OTOF: variants seen among roughly 807,000 people sequenced by gnomAD.
OTOF encodes fer-1-like family member 2.
Under a neutral mutation model 236.8 loss-of-function variants are expected in OTOF, and 218 were observed. The observed-to-expected ratio is 0.92, with a 90% CI of 0.82 to 1.03. The LOEUF is 1.03. OTOF is among the 50% of genes least tolerant of loss of function. The probability of loss-of-function intolerance (pLI) is 0.00; values close to 1 mark genes in which losing one functional copy is unlikely to be tolerated. For missense variants in OTOF, 2,590 were observed against 2,694.4 expected (o/e 0.96, Z 0.86); for synonymous variants, 1,041 against 1,072.5 (o/e 0.97, Z 0.57).
intron 1 of OTOF, among the ~76,000 whole-genome samples, chr2:26,551,143 C>T (rs1336893160): frequency 6.6e-6 from 1 of 152,198 alleles, no homozygotes; most frequent in Non-Finnish European, 1.5e-5. Flanking sequence ...GCGTGCACCA[C>T]CACGCCCGGC....
rs527765158 is a variant in OTOF at position 26,520,250 on chromosome 2, T to G, written c.228-1141A>C. Among the ~76,000 whole-genome samples, 10 of 152,244 alleles carry G rather than the reference T, an allele frequency of 6.6e-5. No individual in the cohort carries two copies. In the East Asian group the frequency reaches 1.9e-3, roughly 29 times the overall value. Reference sequence around the variant, plus strand: ...GAGCTGGAAGGGACCTTGGGCATCATCTGATGCTGCCTGAGATTTATAGAG... The same window carrying G: ...GAGCTGGAAGGGACCTTGGGCATCAGCTGATGCTGCCTGAGATTTATAGAG... On this transcript the variant is annotated intron_variant, in intron 3 of 46. Coordinates refer to ENST00000272371, the MANE Select transcript of OTOF (RefSeq NM_194248.3).
intron 46 of OTOF, among the ~76,000 whole-genome samples, chr2:26,459,531 G>A (rs989081937): frequency 1.1e-4 from 15 of 139,160 alleles, no homozygotes; most frequent in South Asian, 2.2e-4. Flanking sequence ...TAGCCTGGGC[G>A]ACAGAGCGAG....
At position 26,516,533 on chromosome 2, in the gene OTOF, C is replaced by A. The variant is rs1446905823; in HGVS notation, c.394G>T (p.Asp132Tyr). 23 of 1,612,814 alleles carry A rather than the reference C, an allele frequency of 1.4e-5. No homozygotes were observed. In the African/African-American group the frequency reaches 2.0e-4, roughly 14 times the overall value. ...DGTVGSWDDGDFLGDESLQEE... is the reference protein window; with the variant it reads ...DGTVGSWDDGYFLGDESLQEE... The stretch of plus-strand genomic sequence containing the variant: ...TGAAGAGACTCATCTCCCAGGAAGT[C>A]CCCATCGTCCCAGGAGCCCACTGTG... The change falls in exon 5 of 47, where the codon GAC (aspartate) becomes TAC (tyrosine). Residue 132 changes from aspartate to tyrosine, a missense_variant. Physicochemically the swap from Asp to Tyr is radical, Grantham distance 160. Coordinates refer to ENST00000272371, the MANE Select transcript of OTOF (RefSeq NM_194248.3).
At chr2:26,501,623 A>C in intron 8 of OTOF, 131 bp downstream of exon 8, 1 of 689,620 alleles carries the variant, frequency 1.5e-6, no homozygotes, top group East Asian at 2.7e-5. Context: ...TACTTTGGGA[A>C]CTTATATTCA....
intron 18 of OTOF, among the ~76,000 whole-genome samples, chr2:26,478,901 G>A (rs111637757): frequency 0.03 from 4,517 of 152,280 alleles, 116 homozygotes; most frequent in African/African-American, 0.067. Context: ...ATTTCACTAT[G>A]TTGGCCAGGA....
chr2:26,484,536 G>A lies in OTOF; in HGVS notation c.1143C>T (p.Gly381=). 1.2e-6 allele frequency: 2 copies of A among 1,613,978 alleles called. No individual in the cohort carries two copies. Among genetic ancestry groups the A allele is most frequent in the South Asian group, 1.1e-5 (1 of 91,080 alleles). The change falls in exon 12 of 47, where the codon GGC becomes GGT. Residue 381 remains glycine (G), a synonymous_variant. Transcript: ENST00000272371. ...GGGGCGTCTTGATGTTGTCCCCTTT[G>A]CCCACCACGGCAACGTCACACTTCA... ...GYVKCDVAVV[G]KGDNIKTPHK...
intron 8 of OTOF, among the ~76,000 whole-genome samples, chr2:26,495,978 T>C (rs1397139371): frequency 6.6e-6 from 1 of 152,252 alleles, no homozygotes; most frequent in African/African-American, 2.4e-5. Context: ...CATTGTTTGC[T>C]GAATTTCTTT....
rs1393652625 is a variant in OTOF at position 26,471,143 on chromosome 2, T to A, written c.3872A>T (p.Glu1291Val). The A allele has an allele frequency of 8.7e-6, 14 of 1,613,980 alleles. No homozygotes were observed. Among genetic ancestry groups the A allele is most frequent in the Middle Eastern group, 3.3e-4 (2 of 6,062 alleles). Residue 1291 changes from glutamate to valine, a missense_variant, in exon 31 of 47, where the codon GAA (glutamate) becomes GTA (valine). Around this residue, in one of 2 missense-constraint regions of OTOF, gnomAD observed 1,211 missense variants for 1,352.8 expected, o/e 0.90. Transcript: ENST00000272371. ...CACCACATCCACCTTGACAACAGCTTCAGAAGTCTGCAGAGGAACCAAGGA... is the reference window on the plus strand; with the variant it reads ...CACCACATCCACCTTGACAACAGCTACAGAAGTCTGCAGAGGAACCAAGGA... ...ETMVKLDATSEAVVKVDVAEE... is the reference protein window; with the variant it reads ...ETMVKLDATSVAVVKVDVAEE...
In OTOF at chr2:26,482,038, C is replaced by CAT. The variant is rs539791703; in HGVS notation, c.1579+366_1579+367dup. ...GCAGATAGGCACTACTATTAGGTATCATATATATATACACACACACTGTAA... is the reference window on the plus strand; with the variant it reads ...GCAGATAGGCACTACTATTAGGTATCATATATATATATACACACACACTGTAA... On this transcript the variant is annotated intron_variant, in intron 14 of 46. Transcript: ENST00000272371. Among the ~76,000 whole-genome samples the CAT allele has an allele frequency of 1.9e-3, 287 of 152,150 alleles. 5 individuals carry two copies. Among genetic ancestry groups the CAT allele is most frequent in the African/African-American group, 5.6e-3 (233 of 41,486 alleles).
At chr2:26,547,121 A>G (rs933648897) in intron 1 of OTOF, among the ~76,000 whole-genome samples, 32 of 152,166 alleles carry the variant, frequency 2.1e-4, no homozygotes, top group African/African-American at 7.5e-4. Flanking sequence ...TGTTAGCTGG[A>G]TGATTTTTAT....
intron 25 of OTOF, 44 bp downstream of exon 25, chr2:26,475,315 G>A: frequency 1.2e-6 from 2 of 1,609,750 alleles, no homozygotes; most frequent in Non-Finnish European, 1.7e-6. Context: ...ACAAGGGCCA[G>A]GTGTGGTGCT....
At chr2:26,472,191 C>A (rs559884321) in intron 30 of OTOF, 24 of 405,094 alleles carry the variant, frequency 5.9e-5, no homozygotes, top group African/African-American at 4.9e-4. Context: ...CACATGCATA[C>A]ATGCACGATG....
intron 13 of OTOF, 78 bp downstream of exon 13, chr2:26,483,384 C>T: frequency 2.2e-6 from 3 of 1,357,572 alleles, no homozygotes; most frequent in Non-Finnish European, 3.2e-6. Context: ...CCCAGCTGCC[C>T]CAGGCCCCAC....
chr2:26,551,864 T>G (rs1243050805), intron 1 of OTOF, among the ~76,000 whole-genome samples: 1 of 152,182 alleles, frequency 6.6e-6, no homozygotes, highest in East Asian at 1.9e-4. Flanking sequence ...GGTATTTATT[T>G]GAGCTCTTAT....
chr2:26,501,691 C>T lies in OTOF; in HGVS notation c.765+63G>A, dbSNP rs1247147564. 3.5e-6 allele frequency: 4 copies of T among 1,131,256 alleles called. No homozygotes were observed. The Admixed American group carries it at 5.1e-5, about 14-fold the overall frequency. 70.1% of individuals were successfully genotyped at this position (1,131,256 alleles called of 1,614,324 possible). A position where few individuals can be genotyped will look rare whatever the true frequency, so the allele number is the denominator to read the frequency against. On this transcript the variant is annotated intron_variant, in intron 8 of 46. Transcript: ENST00000272371. Reference sequence around the variant, plus strand: ...CCTCAGTATAGTGGATAATGCACATCCGGCTAGAATCCCCCACTAGAGCAG... The same window carrying T: ...CCTCAGTATAGTGGATAATGCACATTCGGCTAGAATCCCCCACTAGAGCAG...
chr2:26,523,543 G>T (rs1020733712), intron 3 of OTOF, among the ~76,000 whole-genome samples: 1 of 152,180 alleles, frequency 6.6e-6, no homozygotes, highest in African/African-American at 2.4e-5. Context: ...TTCCCCAAAT[G>T]CATCGGTCAT....
In OTOF at chr2:26,476,291, C is replaced by G. The variant is rs4997760; in HGVS notation, c.2703G>C (p.Ser901=). The G allele has an allele frequency of 1.2e-6, 2 of 1,602,816 alleles. No homozygotes were observed. ...CCTTGGCCTGCACTGTCCAGCCTGC[C>G]GAGCCGAAGCCCCGCTTCCCTGGCA... The part of the protein sequence containing the change: ...LKLPGKRGFG[S]AGWTVQAKVE... Residue 901 remains serine (S), a synonymous_variant, in exon 23 of 47, where the codon TCG becomes TCC. Coordinates refer to ENST00000272371, the MANE Select transcript of OTOF (RefSeq NM_194248.3).
intron 9 of OTOF, among the ~76,000 whole-genome samples, chr2:26,492,047 G>A (rs1035257647): frequency 3.9e-5 from 6 of 152,298 alleles, no homozygotes; most frequent in South Asian, 2.1e-4. Flanking sequence ...TTCCCACGAC[G>A]AGGAGGATGT....
chr2:26,509,288 C>T (rs1666324729), intron 5 of OTOF, among the ~76,000 whole-genome samples: 1 of 152,222 alleles, frequency 6.6e-6, no homozygotes, highest in African/African-American at 2.4e-5. Context: ...CCCAGCTCAG[C>T]ATTCCCCATC....
Sources: allele counts gnomAD v4.1 joint callset (sites outside exome capture counted in the v4.1 genomes callset), GRCh38; gene constraint gnomAD v4.1.1; regional missense constraint gnomAD v4.1.1; transcripts MANE v1.5; gene names NCBI Gene and HGNC (gene_info 2026-07-23, HGNC 2026-07-21).